The following CSGALNACT1 variants were observed in gnomAD, a reference collection of about 807,000 sequenced individuals.
The protein encoded by CSGALNACT1 is beta4GalNAcT-1.
Under a neutral mutation model 51.0 loss-of-function variants are expected in CSGALNACT1, and 52 were observed. That is an observed-to-expected ratio of 1.02 (90% CI 0.82 to 1.29). CSGALNACT1 has a LOEUF of 1.29. Among genes scored for constraint, CSGALNACT1 ranks in the 50% most tolerant of loss-of-function variants. The pLI, the probability that CSGALNACT1 is intolerant of heterozygous loss-of-function variation, is 0.00. For missense variants in CSGALNACT1, 935 were observed against 679.2 expected (o/e 1.38, Z -4.19); for synonymous variants, 341 against 254.4 (o/e 1.34, Z -3.24).
chr8:19,516,110 C>T (rs1316903563), intron 3 of CSGALNACT1, among the ~76,000 whole-genome samples: 1 of 152,132 alleles, frequency 6.6e-6, no homozygotes, highest in African/African-American at 2.4e-5. Context: ...CCTTCCAACA[C>T]CCTCCCCTCG....
chr8:19,562,918 C>G (rs2041092400), intron 3 of CSGALNACT1, among the ~76,000 whole-genome samples: 2 of 152,112 alleles, frequency 1.3e-5, no homozygotes, highest in African/African-American at 4.8e-5. Context: ...CCAAGCAATC[C>G]CATTACTGGG....
At chr8:19,451,824 C>T (rs1032909296) in intron 5 of CSGALNACT1, among the ~76,000 whole-genome samples, 4 of 152,048 alleles carry the variant, frequency 2.6e-5, no homozygotes, top group Non-Finnish European at 4.4e-5. Context: ...GATAATAATC[C>T]GCATAGAACT....
At chr8:19,556,243 G>T (rs540821146) in intron 3 of CSGALNACT1, among the ~76,000 whole-genome samples, 2 of 149,836 alleles carry the variant, frequency 1.3e-5, no homozygotes, top group South Asian at 2.2e-4. Flanking sequence ...GGGCATGGTG[G>T]TGTATGCCTG....
At chr8:19,559,662 A>C (rs746854469) in intron 3 of CSGALNACT1, among the ~76,000 whole-genome samples, 1 of 152,196 alleles carries the variant, frequency 6.6e-6, no homozygotes, top group Non-Finnish European at 1.5e-5. Flanking sequence ...ATATAAAAGC[A>C]AACCGAAAAT....
chr8:19,446,855 G>GT (rs1172684720), intron 5 of CSGALNACT1, among the ~76,000 whole-genome samples: 1 of 151,970 alleles, frequency 6.6e-6, no homozygotes, highest in Non-Finnish European at 1.5e-5. Flanking sequence ...TTTTTAGGAT[G>GT]TTTTTTCTTA....
chr8:19,651,938 T>C (rs1264304784), intron 1 of CSGALNACT1, among the ~76,000 whole-genome samples: 1 of 150,612 alleles, frequency 6.6e-6, no homozygotes, highest in Non-Finnish European at 1.5e-5. Flanking sequence ...TTGTTTTGTT[T>C]TGACTTTTTT....
chr8:19,428,598 T>G (rs943453457), intron 6 of CSGALNACT1, among the ~76,000 whole-genome samples: 5 of 152,116 alleles, frequency 3.3e-5, no homozygotes, highest in Non-Finnish European at 1.5e-5. Context: ...ATCAGAGACT[T>G]TCCTCAAAAA....
chr8:19,523,381 C>T (rs1027288362), intron 3 of CSGALNACT1, among the ~76,000 whole-genome samples: 1 of 152,172 alleles, frequency 6.6e-6, no homozygotes, highest in African/African-American at 2.4e-5. Context: ...CCTCCCACCT[C>T]GGCCTCTGGA....
chr8:19,666,474 C>T (rs1324705726), intron 1 of CSGALNACT1, among the ~76,000 whole-genome samples: 1 of 151,876 alleles, frequency 6.6e-6, no homozygotes, highest in East Asian at 1.9e-4. Context: ...GCGGGTGAAT[C>T]ACTTCAGGTC....
At chr8:19,723,976 G>A (rs1211437036) in intron 1 of CSGALNACT1, among the ~76,000 whole-genome samples, 1 of 152,046 alleles carries the variant, frequency 6.6e-6, no homozygotes, top group Non-Finnish European at 1.5e-5. Flanking sequence ...AAGGAGGGGA[G>A]GCCTCAAATC....
At chr8:19,501,595 C>G (rs889114831) in intron 4 of CSGALNACT1, among the ~76,000 whole-genome samples, 1 of 152,192 alleles carries the variant, frequency 6.6e-6, no homozygotes, top group African/African-American at 2.4e-5. Context: ...GACAGAAGAG[C>G]AAACCCATGG....
chr8:19,471,534 G>A (rs996417208), intron 4 of CSGALNACT1, among the ~76,000 whole-genome samples: 1 of 152,016 alleles, frequency 6.6e-6, no homozygotes, highest in Non-Finnish European at 1.5e-5. Context: ...TCTGCTTCAT[G>A]CCCCTCAGTC....
chr8:19,653,459 A>G, intron 1 of CSGALNACT1, among the ~76,000 whole-genome samples: 1 of 152,102 alleles, frequency 6.6e-6, no homozygotes, highest in East Asian at 1.9e-4. Context: ...CCAATCCCAT[A>G]GCTGTAAGTC....
In CSGALNACT1 at chr8:19,638,377, A is replaced by T. The variant is rs546340863; in HGVS notation, c.-543-36512T>A. On this transcript the variant is annotated intron_variant, in intron 1 of 9. Coordinates refer to the CSGALNACT1 transcript ENST00000332246. Reference sequence around the variant, plus strand: ...ACTGCCCCAAGTGGCGATCACACCCATCGGTGCCCACTTGTCTTTGGGTTC... The same window carrying T: ...ACTGCCCCAAGTGGCGATCACACCCTTCGGTGCCCACTTGTCTTTGGGTTC... Among the ~76,000 whole-genome samples, 165 of 152,104 alleles carry T rather than the reference A, an allele frequency of 1.1e-3. 5 individuals carry two copies. The Middle Eastern group carries it at 0.02, about 19-fold the overall frequency.
At chr8:19,475,165 T>C (rs2069217698) in intron 4 of CSGALNACT1, among the ~76,000 whole-genome samples, 1 of 152,072 alleles carries the variant, frequency 6.6e-6, no homozygotes, top group South Asian at 2.1e-4. Context: ...AGGAAGATTC[T>C]CCAGGCCACT....
intron 6 of CSGALNACT1, among the ~76,000 whole-genome samples, chr8:19,434,288 A>G (rs1265410391): frequency 2.0e-5 from 3 of 152,182 alleles, no homozygotes; most frequent in African/African-American, 7.2e-5. Flanking sequence ...TTCATAATAT[A>G]TTTTCCCCAC....
intron 1 of CSGALNACT1, among the ~76,000 whole-genome samples, chr8:19,610,974 C>T (rs1224469376): frequency 6.6e-6 from 1 of 152,236 alleles, no homozygotes; most frequent in Admixed American, 6.5e-5. Flanking sequence ...AGCCCCGCAG[C>T]CTGCCCGTCT....
intron 3 of CSGALNACT1, among the ~76,000 whole-genome samples, chr8:19,510,600 A>G (rs1422407877): frequency 6.6e-6 from 1 of 152,214 alleles, no homozygotes; most frequent in Non-Finnish European, 1.5e-5. Flanking sequence ...CCTTTCAAAT[A>G]ACTATAATCT....
chr8:19,559,427 C>T (rs929087750), intron 3 of CSGALNACT1, among the ~76,000 whole-genome samples: 4 of 152,122 alleles, frequency 2.6e-5, no homozygotes, highest in Non-Finnish European at 5.9e-5. Context: ...GACAAAGATG[C>T]CTACCATCCG....
Sources: gnomAD v4.1 joint callset for allele counts (sites outside exome capture counted in the v4.1 genomes callset) on GRCh38, gnomAD v4.1.1 for gene constraint, MANE v1.5 for transcripts, NCBI Gene and HGNC (gene_info 2026-07-23, HGNC 2026-07-21) for gene names.